CAMK2D: variants seen among roughly 807,000 people sequenced by gnomAD.
CAMK2D encodes calcium/calmodulin dependent protein kinase II delta, also known as calcium/calmodulin-dependent protein kinase type II subunit delta.
Under a neutral mutation model 84.0 loss-of-function variants are expected in CAMK2D, and 37 were observed. The ratio of observed to expected loss-of-function variants is 0.44; its 90% CI spans 0.34 to 0.58. The LOEUF (loss-of-function observed/expected upper bound fraction) is 0.58. Ranked by LOEUF, CAMK2D falls within the 20% of genes least tolerant of loss-of-function variation. The pLI, the probability that CAMK2D is intolerant of heterozygous loss-of-function variation, is 0.02. For missense variants in CAMK2D, 448 were observed against 652.5 expected (o/e 0.69, Z 3.41); for synonymous variants, 202 against 212.5 (o/e 0.95, Z 0.43).
chr4:113,699,646 A>G (rs1451190622), intron 2 of CAMK2D, among the ~76,000 whole-genome samples: 1 of 152,228 alleles, frequency 6.6e-6, no homozygotes, highest in African/African-American at 2.4e-5. Flanking sequence ...CCACATCAAA[A>G]TAACAAAACA....
chr4:113,664,840 G>C (rs1215014810), intron 2 of CAMK2D, among the ~76,000 whole-genome samples: 2 of 145,716 alleles, frequency 1.4e-5, no homozygotes, highest in Non-Finnish European at 3.0e-5. Flanking sequence ...TTTTGCTCTT[G>C]TCAACCAGGC....
chr4:113,499,733 G>C (rs994389412), intron 16 of CAMK2D, among the ~76,000 whole-genome samples: 6 of 152,074 alleles, frequency 3.9e-5, no homozygotes, highest in Admixed American at 6.6e-5. Flanking sequence ...CTGGTCTATA[G>C]AGACTGTAGT....
intron 4 of CAMK2D, among the ~76,000 whole-genome samples, chr4:113,558,896 C>T (rs930340477): frequency 4.6e-5 from 7 of 151,966 alleles, no homozygotes; most frequent in South Asian, 2.1e-4. Flanking sequence ...GTGGGAGGAT[C>T]GCTTGAGCCT....
In CAMK2D at chr4:113,517,638, T is replaced by C; in HGVS notation, c.621A>G (p.Leu207=). Residue 207 remains leucine (L), a synonymous_variant, in exon 9 of 21, where the codon CTA becomes CTG. Coordinates refer to ENST00000511664, the MANE Select transcript of CAMK2D (RefSeq NM_001321571.2). ...CCCAGAAGGGTGGATACCCCACAAG[T>C]AGAATATAGAGAATGACACCTGGAG... ...MWACGVILYI[L]LVGYPPFWDE... The C allele has an allele frequency of 6.5e-7, 1 of 1,548,656 alleles. No individual in the cohort carries two copies.
intron 14 of CAMK2D, 65 bp downstream of exon 14, chr4:113,504,911 A>G: frequency 1.3e-6 from 1 of 743,654 alleles, no homozygotes; most frequent in South Asian, 2.7e-5. Context: ...AAAGCAAATG[A>G]GAGAAACCAC....
At chr4:113,732,123 C>CT (rs1048918168) in intron 2 of CAMK2D, among the ~76,000 whole-genome samples, 191 of 145,108 alleles carry the variant, frequency 1.3e-3, no homozygotes, top group East Asian at 2.6e-3. Flanking sequence ...AGCACTCCTT[C>CT]TTTTTTTTTT....
intron 2 of CAMK2D, among the ~76,000 whole-genome samples, chr4:113,721,439 C>A (rs1017554373): frequency 7.2e-5 from 11 of 152,142 alleles, no homozygotes; most frequent in African/African-American, 2.7e-4. Context: ...ACCCAGGAAC[C>A]TGAGGACTGG....
At chr4:113,732,090 G>C (rs1445832226) in intron 2 of CAMK2D, among the ~76,000 whole-genome samples, 1 of 151,760 alleles carries the variant, frequency 6.6e-6, no homozygotes, top group African/African-American at 2.4e-5. Context: ...GAGTCCAGCA[G>C]GTGTCTAGAC....
intron 6 of CAMK2D, among the ~76,000 whole-genome samples, chr4:113,540,166 T>C (rs905710211): frequency 2.6e-5 from 4 of 152,176 alleles, no homozygotes; most frequent in African/African-American, 9.7e-5. Flanking sequence ...TTTTCCTGAA[T>C]TACTACCACT....
chr4:113,578,990 C>T (rs1294492760), intron 4 of CAMK2D, among the ~76,000 whole-genome samples: 1 of 150,946 alleles, frequency 6.6e-6, no homozygotes, highest in Non-Finnish European at 1.5e-5. Context: ...TCTTCAAAAA[C>T]CAAAGACTAT....
chr4:113,571,001 T>C lies in CAMK2D; in HGVS notation c.276-18905A>G, dbSNP rs534632704. Among the ~76,000 whole-genome samples, 18 of 152,324 alleles carry C rather than the reference T, an allele frequency of 1.2e-4. No homozygotes were observed. In the East Asian group the frequency reaches 3.5e-3, roughly 29 times the overall value. On this transcript the variant is annotated intron_variant, in intron 4 of 20. Coordinates refer to ENST00000511664, the MANE Select transcript of CAMK2D (RefSeq NM_001321571.2). ...TGGACAAAGGACCTGAATAGACATT[T>C]GTCAACAGCAGACATACAAATGGCC...
chr4:113,640,727 T>C (rs915320475), intron 3 of CAMK2D, among the ~76,000 whole-genome samples: 3 of 151,886 alleles, frequency 2.0e-5, no homozygotes, highest in East Asian at 1.9e-4. Context: ...AGAAAATAAA[T>C]GTGCATTAAG....
At chr4:113,691,813 C>G (rs2099388039) in intron 2 of CAMK2D, among the ~76,000 whole-genome samples, 2 of 151,872 alleles carry the variant, frequency 1.3e-5, no homozygotes, top group Admixed American at 1.3e-4. Flanking sequence ...GAGGAAATCC[C>G]ACCAAATACA....
At chr4:113,742,637 A>C (rs1231004783) in intron 2 of CAMK2D, among the ~76,000 whole-genome samples, 2 of 152,164 alleles carry the variant, frequency 1.3e-5, no homozygotes, top group Non-Finnish European at 2.9e-5. Context: ...AATTTTAAAA[A>C]GAGACAGACT....
intron 3 of CAMK2D, among the ~76,000 whole-genome samples, chr4:113,627,554 G>A (rs2099073077): frequency 6.6e-6 from 1 of 152,114 alleles, no homozygotes; most frequent in Admixed American, 6.6e-5. Context: ...CACAGTAAAA[G>A]GCATTACAAC....
At chr4:113,619,813 T>C (rs2099037527) in intron 3 of CAMK2D, among the ~76,000 whole-genome samples, 1 of 152,134 alleles carries the variant, frequency 6.6e-6, no homozygotes. Flanking sequence ...AACTAAGACA[T>C]GTCCAGAAAA....
intron 2 of CAMK2D, chr4:113,753,776 C>CA (rs2099622414): frequency 2.3e-6 from 1 of 439,758 alleles, no homozygotes; most frequent in South Asian, 1.1e-4. Flanking sequence ...TTTATTTAGA[C>CA]TTTTTTTTTC....
intron 16 of CAMK2D, among the ~76,000 whole-genome samples, chr4:113,487,379 A>G (rs1387002187): frequency 2.0e-5 from 3 of 152,148 alleles, no homozygotes; most frequent in Non-Finnish European, 4.4e-5. Context: ...ATTTATAGAT[A>G]TATTTATTGG....
chr4:113,727,259 A>G (rs901406364), intron 2 of CAMK2D, among the ~76,000 whole-genome samples: 1 of 152,236 alleles, frequency 6.6e-6, no homozygotes, highest in African/African-American at 2.4e-5. Context: ...AAAATGAAAG[A>G]AGCTCGGATA....
Sources: allele counts gnomAD v4.1 joint callset (sites outside exome capture counted in the v4.1 genomes callset), GRCh38; gene constraint gnomAD v4.1.1; transcripts MANE v1.5; gene names NCBI Gene and HGNC (gene_info 2026-07-23, HGNC 2026-07-21).